The following AADAT variants were observed in gnomAD, a reference collection of about 807,000 sequenced individuals.
The protein encoded by AADAT is kynurenine/alpha-aminoadipate aminotransferase, mitochondrial.
AADAT carries 25 observed loss-of-function variants against 56.2 expected under a neutral mutation model. That is an observed-to-expected ratio of 0.44 (90% CI 0.32 to 0.62). The LOEUF is 0.62. Ranked by LOEUF, AADAT falls within the 20% of genes least tolerant of loss-of-function variation. The probability of loss-of-function intolerance (pLI) is 0.04; values close to 1 mark genes in which losing one functional copy is unlikely to be tolerated. For synonymous variants in AADAT, 173 were observed against 164.7 expected (o/e 1.05, Z -0.39); for missense variants, 387 against 510.5 (o/e 0.76, Z 2.33).
intron 4 of AADAT, among the ~76,000 whole-genome samples, chr4:170,077,086 A>C (rs1561019399): frequency 6.6e-6 from 1 of 152,104 alleles, no homozygotes; most frequent in African/African-American, 2.4e-5. Flanking sequence ...CCAGTACCAC[A>C]TTGTTTGATT....
chr4:170,070,724 A>T, intron 5 of AADAT, 72 bp from the exon 6 acceptor site: 1 of 1,081,610 alleles, frequency 9.2e-7, no homozygotes. Context: ...AATTAAATTC[A>T]TTTGGAATTA....
upstream of AADAT, among the ~76,000 whole-genome samples, chr4:170,094,282 A>C (rs1268208044): frequency 6.6e-6 from 1 of 152,228 alleles, no homozygotes; most frequent in Non-Finnish European, 1.5e-5. Context: ...CTTACCAGAC[A>C]ATAGAAGCTG....
intron 3 of AADAT, among the ~76,000 whole-genome samples, chr4:170,084,314 CA>C (rs1732452396): frequency 6.6e-6 from 1 of 151,744 alleles, no homozygotes; most frequent in South Asian, 2.1e-4. Context: ...TTAAAAATGG[CA>C]AGGATAGCAA....
chr4:170,064,972 A>T, intron 10 of AADAT, 147 bp from the exon 11 acceptor site: 19 of 528,564 alleles, frequency 3.6e-5, no homozygotes, highest in South Asian at 8.3e-5. Context: ...TAAAAATATC[A>T]TTTTGTGAGC....
At chr4:170,063,862 A>C (rs1205463790) in intron 11 of AADAT, among the ~76,000 whole-genome samples, 1 of 152,222 alleles carries the variant, frequency 6.6e-6, no homozygotes, top group African/African-American at 2.4e-5. Context: ...TTATCTGGTA[A>C]ACTGGAAAGC....
At chr4:170,093,260 C>A (rs1342443098), upstream of AADAT, among the ~76,000 whole-genome samples, 1 of 152,120 alleles carries the variant, frequency 6.6e-6, no homozygotes, top group Non-Finnish European at 1.5e-5. Flanking sequence ...AAAACCCCAT[C>A]TCTACTAAAA....
intron 5 of AADAT, among the ~76,000 whole-genome samples, chr4:170,071,855 C>T (rs149901155): frequency 1.3e-5 from 2 of 151,912 alleles, no homozygotes; most frequent in Non-Finnish European, 2.9e-5. Context: ...GGATGGGGGG[C>T]AAAGGAGGGA....
chr4:170,061,948 G>A lies in AADAT; in HGVS notation c.1180C>T (p.Pro394Ser). 1.2e-6 allele frequency: 2 copies of A among 1,613,248 alleles called. No individual in the cohort carries two copies. The highest frequency in any genetic ancestry group is 1.7e-6 in the Non-Finnish European group (2 of 1,179,502). ...AAGGATGCTCTCAAGTAAGGGCTAG[G>A]AGCTGAGCTATCGACGTAGAAAGCA... ...GNAFYVDSSA[P>S]SPYLRASFSS... The change falls in exon 12 of 13, where the codon CCT becomes TCT. Residue 394 changes from proline to serine, a missense_variant. Pro to Ser is a moderately conservative substitution (Grantham distance 74, BLOSUM62 -1). Coordinates refer to ENST00000337664, the MANE Select transcript of AADAT (RefSeq NM_016228.4).
intron 2 of AADAT, among the ~76,000 whole-genome samples, chr4:170,087,651 A>G (rs896844547): frequency 6.6e-6 from 1 of 152,188 alleles, no homozygotes; most frequent in African/African-American, 2.4e-5. Context: ...AAGCCTATGT[A>G]TATTTAACAT....
At chr4:170,067,970 C>T (rs1444492288) in intron 8 of AADAT, among the ~76,000 whole-genome samples, 1 of 151,834 alleles carries the variant, frequency 6.6e-6, no homozygotes, top group East Asian at 1.9e-4. Flanking sequence ...GAAACTCTGT[C>T]TCTACTAAAA....
intron 11 of AADAT, among the ~76,000 whole-genome samples, chr4:170,063,034 A>T (rs1036186036): frequency 6.6e-6 from 1 of 152,234 alleles, no homozygotes; most frequent in Non-Finnish European, 1.5e-5. Flanking sequence ...CTTCAACAGC[A>T]TTGAGTAACT....
intron 6 of AADAT, among the ~76,000 whole-genome samples, chr4:170,070,154 C>T (rs184819489): frequency 2.0e-4 from 30 of 152,138 alleles, no homozygotes; most frequent in Admixed American, 1.2e-3. Flanking sequence ...AGCTTGAGCA[C>T]GGCTTCCTAA....
At position 170,060,883 on chromosome 4, in the gene AADAT, G is replaced by A; in HGVS notation, c.*45C>T. 2 of 1,479,352 alleles carry A rather than the reference G, an allele frequency of 1.4e-6. No individual in the cohort carries two copies. The highest frequency in any genetic ancestry group is 1.8e-6 in the Non-Finnish European group (2 of 1,104,438). The allele number at this position is 1,479,352 out of a possible 1,614,324, so 91.6% of individuals were successfully genotyped here. ...TCCCTCCTCTGCCTCCCAAAGTGCT[G>A]GGATTATAGGTGTGAGCCACCATGC... On this transcript the variant is annotated 3_prime_UTR_variant, in exon 13 of 13. Transcript: ENST00000337664.
At chr4:170,062,054 G>A in intron 11 of AADAT, 61 bp from the exon 12 acceptor site, 1 of 1,157,522 alleles carries the variant, frequency 8.6e-7, no homozygotes, top group Non-Finnish European at 1.3e-6. Flanking sequence ...AGATAATATA[G>A]TTAAGCCTAA....
chr4:170,088,568 C>T lies in AADAT; in HGVS notation c.68-4G>A, dbSNP rs751338855. 22 of 1,602,088 alleles carry T rather than the reference C, an allele frequency of 1.4e-5. No homozygotes were observed. The highest frequency in any genetic ancestry group is 4.0e-5 in the African/African-American group (3 of 74,752). On this transcript the variant is annotated splice_polypyrimidine_tract_variant and splice_region_variant and intron_variant, in intron 1 of 12. Transcript: ENST00000337664. Reference sequence around the variant, plus strand: ...GGTCCTCTGCTCAATATGTCAGCTACAATACACATGGAAGAGAAGAAACAA... The same window carrying T: ...GGTCCTCTGCTCAATATGTCAGCTATAATACACATGGAAGAGAAGAAACAA...
intron 9 of AADAT, 105 bp downstream of exon 9, chr4:170,067,222 C>A: frequency 1.2e-6 from 1 of 852,162 alleles, no homozygotes; most frequent in African/African-American, 1.7e-5. Flanking sequence ...CTCTCCTTTC[C>A]GAGGATACTT....
Position 170,068,705 on chromosome 4 carries a change from A to G in AADAT, c.804-18T>C. On this transcript the variant is annotated intron_variant, in intron 7 of 12. Coordinates refer to ENST00000337664, the MANE Select transcript of AADAT (RefSeq NM_016228.4). ...TTCTCAACCTACGTGGAAAGAGAAA[A>G]GGCACGATACCAATTCCATATTAAC... The G allele has an allele frequency of 6.7e-7, 1 of 1,495,976 alleles. No homozygotes were observed. Among genetic ancestry groups the G allele is most frequent in the Non-Finnish European group, 9.1e-7 (1 of 1,095,536 alleles). 92.7% of individuals were successfully genotyped at this position (1,495,976 alleles called of 1,614,324 possible). A position where few individuals can be genotyped will look rare whatever the true frequency, so the allele number is the denominator to read the frequency against.
chr4:170,093,655 C>T (rs7679606), upstream of AADAT, among the ~76,000 whole-genome samples: 1,942 of 152,236 alleles, frequency 0.013, 48 homozygotes, highest in African/African-American at 0.044. Flanking sequence ...AATGCAGTGG[C>T]GCCAACCATA....
chr4:170,073,028 A>C, intron 5 of AADAT, 108 bp downstream of exon 5: 1 of 1,017,598 alleles, frequency 9.8e-7, no homozygotes, highest in African/African-American at 1.6e-5. Context: ...TAAAAATTAT[A>C]TTCCTTGAAA....
Sources: allele counts gnomAD v4.1 joint callset (sites outside exome capture counted in the v4.1 genomes callset), GRCh38; gene constraint gnomAD v4.1.1; transcripts MANE v1.5; gene names NCBI Gene and HGNC (gene_info 2026-07-23, HGNC 2026-07-21).